Variants in KIZ observed in about 807,000 individuals in gnomAD.
The protein encoded by KIZ is centrosomal protein kizuna.
Under a neutral mutation model 79.6 loss-of-function variants are expected in KIZ, and 68 were observed. The ratio of observed to expected loss-of-function variants is 0.85; its 90% CI spans 0.70 to 1.05. KIZ has a LOEUF of 1.05. Among genes scored for constraint, KIZ ranks in the 50% least tolerant of loss-of-function variants. The pLI is 0.00. For synonymous variants in KIZ, 280 were observed against 281.8 expected (o/e 0.99, Z 0.06); for missense variants, 797 against 800.4 (o/e 1.00, Z 0.05).
chr20:21,136,646 TAGAC>T, intron 3 of KIZ, 94 bp downstream of exon 3: 1 of 894,634 alleles, frequency 1.1e-6, no homozygotes. Flanking sequence ...TTACCCAGGC[TAGAC>T]TTGAACACCT....
chr20:21,178,854 G>A (rs1282815346), intron 6 of KIZ, among the ~76,000 whole-genome samples: 1 of 152,076 alleles, frequency 6.6e-6, no homozygotes, highest in Non-Finnish European at 1.5e-5. Flanking sequence ...CTTTCATTCT[G>A]TTACTGTGGT....
chr20:21,228,554 A>G (rs544167736), intron 9 of KIZ, among the ~76,000 whole-genome samples: 1 of 151,956 alleles, frequency 6.6e-6, no homozygotes, highest in East Asian at 1.9e-4. Flanking sequence ...AGCTGTCACC[A>G]CCCTTCCTGA....
chr20:21,207,419 G>A (rs2035870503), intron 7 of KIZ, among the ~76,000 whole-genome samples: 1 of 150,570 alleles, frequency 6.6e-6, no homozygotes, highest in Non-Finnish European at 1.5e-5. Flanking sequence ...CACCATATTT[G>A]TTTCAGACCC....
chr20:21,192,570 A>G (rs1279195575), intron 6 of KIZ, among the ~76,000 whole-genome samples: 4 of 152,302 alleles, frequency 2.6e-5, no homozygotes, highest in South Asian at 4.1e-4. Flanking sequence ...AAACTTCTAA[A>G]AAGTAATATG....
intron 11 of KIZ, among the ~76,000 whole-genome samples, chr20:21,240,458 T>G (rs2037176144): frequency 6.6e-6 from 1 of 152,266 alleles, no homozygotes; most frequent in Non-Finnish European, 1.5e-5. Flanking sequence ...TGGTTATATT[T>G]TAATTTACTC....
intron 6 of KIZ, among the ~76,000 whole-genome samples, chr20:21,175,377 C>T (rs763973373): frequency 3.9e-5 from 6 of 152,224 alleles, no homozygotes; most frequent in Non-Finnish European, 7.3e-5. Context: ...ATCGTAGTCA[C>T]AGCCATTGTC....
chr20:21,197,099 A>T (rs1289162165), intron 6 of KIZ: 2 of 152,210 alleles, frequency 1.3e-5, no homozygotes, highest in African/African-American at 2.4e-5. Flanking sequence ...TAAAGTAGAA[A>T]CACTGTTTTG....
At chr20:21,152,475 G>C (rs1170183483) in intron 4 of KIZ, among the ~76,000 whole-genome samples, 1 of 152,000 alleles carries the variant, frequency 6.6e-6, no homozygotes, top group Non-Finnish European at 1.5e-5. Flanking sequence ...CTCTGATGTA[G>C]TTCTGCATAT....
At chr20:21,151,778 A>G (rs890012355) in intron 4 of KIZ, 1 of 152,214 alleles carries the variant, frequency 6.6e-6, no homozygotes, top group African/African-American at 2.4e-5. Flanking sequence ...GTCACGATGA[A>G]TACACACATA....
At chr20:21,228,808 C>G (rs1368321554) in intron 9 of KIZ, among the ~76,000 whole-genome samples, 1 of 152,170 alleles carries the variant, frequency 6.6e-6, no homozygotes, top group Non-Finnish European at 1.5e-5. Context: ...CTCAAATAAA[C>G]TCATACAGCT....
At chr20:21,130,228 C>G (rs2031755806) in intron 1 of KIZ, among the ~76,000 whole-genome samples, 1 of 152,130 alleles carries the variant, frequency 6.6e-6, no homozygotes, top group South Asian at 2.1e-4. Flanking sequence ...ATGTTCCTGA[C>G]AAGTTCATAG....
At chr20:21,181,483 G>A (rs1279628326) in intron 6 of KIZ, among the ~76,000 whole-genome samples, 1 of 150,414 alleles carries the variant, frequency 6.6e-6, no homozygotes, top group Admixed American at 6.6e-5. Context: ...TTTTTAGACA[G>A]GGTCTCACTC....
chr20:21,245,725 AGC>A (rs2037366833), intron 12 of KIZ: 1 of 152,252 alleles, frequency 6.6e-6, no homozygotes, highest in Non-Finnish European at 1.5e-5. Context: ...TGGCTGCAGG[AGC>A]GTGCTCAGCC....
chr20:21,228,967 C>A, intron 9 of KIZ, 44 bp from the exon 10 acceptor site: 1 of 1,061,580 alleles, frequency 9.4e-7, no homozygotes, highest in Non-Finnish European at 1.4e-6. Context: ...TTCTTTCTGG[C>A]CAGTAAAAAA....
At chr20:21,208,505 C>T (rs2035933518) in intron 7 of KIZ, among the ~76,000 whole-genome samples, 1 of 152,132 alleles carries the variant, frequency 6.6e-6, no homozygotes, top group Admixed American at 6.5e-5. Flanking sequence ...AGATCGAGAC[C>T]ATCTTGGCTA....
At chr20:21,220,256 C>G (rs1421977574) in intron 9 of KIZ, among the ~76,000 whole-genome samples, 2 of 151,622 alleles carry the variant, frequency 1.3e-5, no homozygotes, top group Admixed American at 1.3e-4. Flanking sequence ...AAGATGGTAT[C>G]CCTGCCCTCA....
chr20:21,209,144 C>G (rs1381718152), intron 7 of KIZ, among the ~76,000 whole-genome samples: 2 of 152,104 alleles, frequency 1.3e-5, no homozygotes, highest in Admixed American at 6.5e-5. Flanking sequence ...GCTGTCAGCC[C>G]GAGTCAATCC....
At position 21,162,149 on chromosome 20, in the gene KIZ, A is replaced by G. The variant is rs1260485917; in HGVS notation, c.684A>G (p.Ala228=). The stretch of plus-strand genomic sequence containing the variant: ...AGTCTGACAACATAGATGGAAAGGC[A>G]TCTCTTCAGATTGGTGAGAAAATGC... ...LNKSDNIDGK[A]SLQIGEKMPV... Residue 228 remains alanine, a synonymous_variant, in exon 5 of 13, where the codon GCA becomes GCG. Transcript: ENST00000619189. 6.2e-7 allele frequency: 1 copy of G among 1,610,930 alleles called. No individual in the cohort carries two copies. The highest frequency in any genetic ancestry group is 8.5e-7 in the Non-Finnish European group (1 of 1,178,358).
chr20:21,156,751 G>A (rs1394147109), intron 4 of KIZ, among the ~76,000 whole-genome samples: 1 of 152,132 alleles, frequency 6.6e-6, no homozygotes, highest in Non-Finnish European at 1.5e-5. Context: ...GTGCTTAGTG[G>A]TAGATAGGCA....
Sources: allele counts gnomAD v4.1 joint callset (sites outside exome capture counted in the v4.1 genomes callset), GRCh38; gene constraint gnomAD v4.1.1; transcripts MANE v1.5; gene names NCBI Gene and HGNC (gene_info 2026-07-23, HGNC 2026-07-21).